MTRF1: variants seen among roughly 807,000 people sequenced by gnomAD.
The protein encoded by MTRF1 is mitochondrial translation release factor 1.
Under a neutral mutation model 62.9 loss-of-function variants are expected in MTRF1, and 51 were observed. That is an observed-to-expected ratio of 0.81 (90% CI 0.65 to 1.02). The LOEUF (loss-of-function observed/expected upper bound fraction) is 1.02, where lower values mean the gene tolerates loss of function less well. MTRF1 is among the 50% of genes least tolerant of loss of function. The probability of loss-of-function intolerance (pLI) is 0.00; values close to 1 mark genes in which losing one functional copy is unlikely to be tolerated. For missense variants in MTRF1, 446 were observed against 530.0 expected (o/e 0.84, Z 1.56); for synonymous variants, 158 against 181.9 (o/e 0.87, Z 1.06).
chr13:41,256,387 T>C (rs9532756), intron 2 of MTRF1, among the ~76,000 whole-genome samples: 107,854 of 150,784 alleles, frequency 0.72, 38,884 homozygotes, highest in African/African-American at 0.74. Context: ...AGTGCAGTGG[T>C]GTGATCTCGA....
chr13:41,290,988 C>T, the MTRF1 span, among the ~76,000 whole-genome samples: 6 of 150,846 alleles, frequency 4.0e-5, no homozygotes, highest in Non-Finnish European at 8.9e-5. Flanking sequence ...CCCAGCTACT[C>T]GGGAGGCTGA....
rs2032010296 is a variant in MTRF1 at position 41,216,928 on chromosome 13, C to T, written c.*187G>A. ...ACTTGATGAGTTGGATTGTACTTTA[C>T]AGGAAACCTAAAATAAATTCTTAGG... On this transcript the variant is annotated 3_prime_UTR_variant, in exon 10 of 10. Transcript: ENST00000379480. 1 of 400,208 alleles carries T rather than the reference C, an allele frequency of 2.5e-6. No individual in the cohort carries two copies. 24.8% of individuals were successfully genotyped at this position (400,208 alleles called of 1,614,324 possible). A position where few individuals can be genotyped will look rare whatever the true frequency, so the allele number is the denominator to read the frequency against.
intron 1 of MTRF1, among the ~76,000 whole-genome samples, chr13:41,262,652 T>C (rs1334044481): frequency 6.6e-6 from 1 of 151,940 alleles, no homozygotes; most frequent in Non-Finnish European, 1.5e-5. Flanking sequence ...AAGAAAACTC[T>C]AAGGTTCAAA....
the MTRF1 span, chr13:41,311,098 C>T: frequency 2.4e-5 from 6 of 248,194 alleles, no homozygotes; most frequent in Non-Finnish European, 4.7e-5. Context: ...GACAGCTCGC[C>T]TGAGCCCCAG....
At chr13:41,220,494 A>AGTCTGTGCTT (rs1451728774) in intron 9 of MTRF1, 2 of 876,450 alleles carry the variant, frequency 2.3e-6, no homozygotes, top group Non-Finnish European at 3.3e-6. Context: ...ATTATATGGT[A>AGTCTGTGCTT]GTCTGTGCTT....
the MTRF1 span, among the ~76,000 whole-genome samples, chr13:41,288,826 C>T: frequency 7.2e-5 from 11 of 152,094 alleles, no homozygotes; most frequent in Non-Finnish European, 1.0e-4. Context: ...CGTAAAGCAG[C>T]GGAGACAACT....
Position 41,253,966 on chromosome 13 carries a change from T to A in MTRF1, c.507+563A>T, listed in dbSNP as rs573137491. On this transcript the variant is annotated intron_variant, in intron 3 of 9. Transcript: ENST00000379480. The stretch of plus-strand genomic sequence containing the variant: ...CTTCATTGTCTTTGTAGACAAACCA[T>A]CCATTAAGCAAGAATGAAAAGAGAC... Among the ~76,000 whole-genome samples, 3 of 152,242 alleles carry A rather than the reference T, an allele frequency of 2.0e-5. No homozygotes were observed. The South Asian group carries it at 6.2e-4, about 32-fold the overall frequency.
intron 7 of MTRF1, among the ~76,000 whole-genome samples, chr13:41,233,566 C>T (rs959939832): frequency 6.6e-6 from 1 of 152,140 alleles, no homozygotes; most frequent in Non-Finnish European, 1.5e-5. Context: ...TACAAGGTGA[C>T]AGAATATCCA....
In MTRF1 at chr13:41,217,122, G is replaced by T. The variant is rs1188161445; in HGVS notation, c.1331C>A (p.Ala444Glu). 2 of 1,573,232 alleles carry T rather than the reference G, an allele frequency of 1.3e-6. No individual in the cohort carries two copies. The highest frequency in any genetic ancestry group is 1.4e-5 in the African/African-American group (1 of 74,060). ...AELLDEHLKS[A>E]K Reference sequence around the variant, plus strand: ...ATAATAATAAGTTAGTATTTATTTTGCTGATTTAAGGTGTTCATCCAAAAG... The same window carrying T: ...ATAATAATAAGTTAGTATTTATTTTTCTGATTTAAGGTGTTCATCCAAAAG... The change falls in exon 10 of 10, where the codon GCA becomes GAA. Residue 444 changes from alanine to glutamate, a missense_variant. Ala to Glu is a moderately radical substitution (Grantham distance 107, BLOSUM62 -1). Coordinates refer to ENST00000379480, the MANE Select transcript of MTRF1 (RefSeq NM_004294.4).
At chr13:41,232,334 A>C (rs202162641) in intron 7 of MTRF1, among the ~76,000 whole-genome samples, 1 of 29,136 alleles carries the variant, frequency 3.4e-5, no homozygotes, top group Middle Eastern at 0.014. Flanking sequence ...CTAAAAAACA[A>C]AGTGACAGAC....
intron 5 of MTRF1, among the ~76,000 whole-genome samples, chr13:41,249,900 C>CT (rs2038846642): frequency 6.6e-6 from 1 of 151,714 alleles, no homozygotes; most frequent in Non-Finnish European, 1.5e-5. Flanking sequence ...AGGCATGAGC[C>CT]ACCACACCCA....
chr13:41,301,552 C>T, the MTRF1 span, among the ~76,000 whole-genome samples: 1 of 151,970 alleles, frequency 6.6e-6, no homozygotes, highest in Non-Finnish European at 1.5e-5. Context: ...GTTTGAGATC[C>T]ACCTGGCCAA....
intron 5 of MTRF1, among the ~76,000 whole-genome samples, chr13:41,249,960 T>G (rs2038858911): frequency 1.3e-5 from 2 of 151,354 alleles, no homozygotes; most frequent in South Asian, 4.2e-4. Flanking sequence ...TTTGTAATGT[T>G]TTTTTTTTAA....
chr13:41,271,102 C>A, the MTRF1 span, among the ~76,000 whole-genome samples: 1 of 151,414 alleles, frequency 6.6e-6, no homozygotes, highest in East Asian at 1.9e-4. Context: ...CCCCATATAG[C>A]TTTTACTTCA....
At chr13:41,274,545 T>C in the MTRF1 span, among the ~76,000 whole-genome samples, 1 of 152,080 alleles carries the variant, frequency 6.6e-6, no homozygotes, top group African/African-American at 2.4e-5. Flanking sequence ...TAAGGAATGC[T>C]GAAACAAATT....
intron 8 of MTRF1, among the ~76,000 whole-genome samples, chr13:41,223,723 G>A (rs1182162349): frequency 2.0e-5 from 3 of 152,174 alleles, no homozygotes; most frequent in African/African-American, 7.2e-5. Flanking sequence ...TTGTGGGTCT[G>A]AGTTTACTAT....
chr13:41,282,761 C>G, the MTRF1 span, among the ~76,000 whole-genome samples: 2 of 152,142 alleles, frequency 1.3e-5, no homozygotes, highest in East Asian at 3.8e-4. Flanking sequence ...TATCACCTGC[C>G]AAATCTGGAA....
chr13:41,306,574 C>T, the MTRF1 span, among the ~76,000 whole-genome samples: 1 of 152,184 alleles, frequency 6.6e-6, no homozygotes, highest in Non-Finnish European at 1.5e-5. Context: ...CTCTGGAAGA[C>T]ATGCACGTAT....
chr13:41,283,813 G>A, the MTRF1 span, among the ~76,000 whole-genome samples: 84 of 151,662 alleles, frequency 5.5e-4, no homozygotes, highest in Admixed American at 1.7e-3. Context: ...TCCTGACCTC[G>A]TGATCCACCC....
Sources: allele counts gnomAD v4.1 joint callset (sites outside exome capture counted in the v4.1 genomes callset), GRCh38; gene constraint gnomAD v4.1.1; transcripts MANE v1.5; gene names NCBI Gene and HGNC (gene_info 2026-07-23, HGNC 2026-07-21).